The following CDH20 variants were observed in gnomAD, a reference collection of about 807,000 sequenced individuals.
CDH20 encodes the protein cadherin 20.
CDH20 carries 29 observed loss-of-function variants against 74.2 expected under a neutral mutation model. The ratio of observed to expected loss-of-function variants is 0.39; its 90% confidence interval spans 0.29 to 0.53. The LOEUF is 0.53. Among genes scored for constraint, CDH20 ranks in the 20% least tolerant of loss-of-function variants. The pLI is 0.69. For missense variants in CDH20, 988 were observed against 1,048.3 expected (o/e 0.94, Z 0.79); for synonymous variants, 469 against 405.4 (o/e 1.16, Z -1.88).
Position 61,360,122 on chromosome 18 carries a change from A to G in CDH20, c.-153+26295A>G, listed in dbSNP as rs529700059. On this transcript the variant is annotated intron_variant, in intron 1 of 11. Transcript: ENST00000262717. ...AGTGTCTGAGCAAACAGGCAGGAAA[A>G]ATAGTGCTGAACTAAGATCTGATAT... 7.9e-5 allele frequency among the ~76,000 whole-genome samples: 12 copies of G among 152,260 alleles called. No individual in the cohort carries two copies. In the South Asian group the frequency reaches 2.5e-3, roughly 32 times the overall value.
intron 6 of CDH20, among the ~76,000 whole-genome samples, chr18:61,520,959 C>T (rs1465757036): frequency 6.6e-6 from 1 of 151,168 alleles, no homozygotes. Flanking sequence ...TAAATGCCCA[C>T]AGGAGAAAGT....
At chr18:61,420,013 A>G (rs1912822750) in intron 1 of CDH20, among the ~76,000 whole-genome samples, 1 of 152,100 alleles carries the variant, frequency 6.6e-6, no homozygotes, top group Non-Finnish European at 1.5e-5. Context: ...CAGACCCAAC[A>G]TTAATCATTT....
chr18:61,429,113 G>A (rs758625557), intron 1 of CDH20, among the ~76,000 whole-genome samples: 5 of 152,042 alleles, frequency 3.3e-5, no homozygotes, highest in Non-Finnish European at 5.9e-5. Context: ...TGAGAGGTGT[G>A]GGAGTATGCA....
chr18:61,463,199 C>G (rs1909846471), intron 1 of CDH20, among the ~76,000 whole-genome samples: 1 of 152,090 alleles, frequency 6.6e-6, no homozygotes, highest in South Asian at 2.1e-4. Flanking sequence ...CTTGTAGGCA[C>G]CTTCATGAGT....
chr18:61,343,067 C>T (rs1910004407), intron 1 of CDH20, among the ~76,000 whole-genome samples: 1 of 152,134 alleles, frequency 6.6e-6, no homozygotes, highest in South Asian at 2.1e-4. Context: ...TATTAGACTC[C>T]AAGCTCCTTG....
intron 1 of CDH20, among the ~76,000 whole-genome samples, chr18:61,427,502 C>T (rs764261434): frequency 4.6e-5 from 7 of 152,144 alleles, no homozygotes; most frequent in African/African-American, 1.7e-4. Context: ...TAACTACAAA[C>T]GTGGTCTCAA....
At chr18:61,449,955 T>G (rs914087458) in intron 1 of CDH20, among the ~76,000 whole-genome samples, 2 of 152,064 alleles carry the variant, frequency 1.3e-5, no homozygotes, top group Admixed American at 1.3e-4. Flanking sequence ...ATGTTTTTAT[T>G]CTATTACTTT....
At position 61,554,228 on chromosome 18, in the gene CDH20, A is replaced by G. The variant is rs1300458709; in HGVS notation, c.1939A>G (p.Lys647Glu). Residue 647 changes from lysine (K) to glutamate (E), a missense_variant, in exon 12 of 12, where the codon AAA becomes GAA. This residue lies in a region of CDH20 where 375 missense variants were observed against 293.1 expected (regional missense o/e 1.28). Transcript: ENST00000262717. ...CATTTTGTCCATGAGGCGGCACCGG[A>G]AACAACCATACATCATCGACGACGA... ...LLILSMRRHR[K>E]QPYIIDDEEN... 1.9e-6 allele frequency: 3 copies of G among 1,613,326 alleles called. No homozygotes were observed. The African/African-American group carries it at 4.0e-5, about 22-fold the overall frequency.
At chr18:61,509,029 G>A (rs1911684763) in intron 6 of CDH20, among the ~76,000 whole-genome samples, 2 of 152,168 alleles carry the variant, frequency 1.3e-5, no homozygotes. Context: ...AGCTTTGAGG[G>A]CGTAAAGGCA....
chr18:61,348,008 C>A (rs901661496), intron 1 of CDH20, among the ~76,000 whole-genome samples: 6 of 152,284 alleles, frequency 3.9e-5, no homozygotes, highest in South Asian at 2.1e-4. Flanking sequence ...GCCTATAGAA[C>A]CTTACCTTTG....
intron 6 of CDH20, among the ~76,000 whole-genome samples, chr18:61,523,121 C>A (rs1912269016): frequency 1.3e-5 from 2 of 151,932 alleles, no homozygotes; most frequent in Admixed American, 1.3e-4. Flanking sequence ...TCAAATTCAA[C>A]AGGCAACCTA....
At chr18:61,532,319 C>T (rs1912673227) in intron 7 of CDH20, among the ~76,000 whole-genome samples, 1 of 152,150 alleles carries the variant, frequency 6.6e-6, no homozygotes, top group Non-Finnish European at 1.5e-5. Context: ...CAGAGAGAAA[C>T]ATTAATTTTC....
intron 7 of CDH20, among the ~76,000 whole-genome samples, chr18:61,534,519 A>C (rs1912754904): frequency 6.6e-6 from 1 of 152,270 alleles, no homozygotes; most frequent in African/African-American, 2.4e-5. Context: ...ATAATGTGGC[A>C]TACATACACA....
At chr18:61,516,237 T>C (rs1224819273) in intron 6 of CDH20, among the ~76,000 whole-genome samples, 3 of 152,250 alleles carry the variant, frequency 2.0e-5, no homozygotes, top group Admixed American at 6.5e-5. Context: ...TAAATGTTAA[T>C]ACTCACATTG....
Position 61,555,211 on chromosome 18 carries a change from G to C in CDH20, c.*516G>C. ...TCAGTGAAATTAACCTACTTGTTCT[G>C]GGATGGATGGAATTTCCCGTAACCC... On this transcript the variant is annotated 3_prime_UTR_variant, in exon 12 of 12. Transcript: ENST00000262717. 3.0e-6 allele frequency: 3 copies of C among 986,138 alleles called. No individual in the cohort carries two copies. The highest frequency in any genetic ancestry group is 3.6e-6 in the Non-Finnish European group (3 of 830,748). The allele number at this position is 986,138 out of a possible 1,614,324, so 61.1% of individuals were successfully genotyped here.
chr18:61,547,813 A>C (rs1310754637), intron 10 of CDH20, among the ~76,000 whole-genome samples: 1 of 152,070 alleles, frequency 6.6e-6, no homozygotes, highest in Admixed American at 6.5e-5. Context: ...CACATTCAAC[A>C]AAAATTTTCC....
chr18:61,467,032 T>C (rs1049466791), intron 1 of CDH20, among the ~76,000 whole-genome samples: 1 of 152,130 alleles, frequency 6.6e-6, no homozygotes, highest in African/African-American at 2.4e-5. Context: ...GGCAAGTTCT[T>C]TGTTACAAAC....
At chr18:61,443,062 G>T (rs775431124) in intron 1 of CDH20, among the ~76,000 whole-genome samples, 1 of 152,174 alleles carries the variant, frequency 6.6e-6, no homozygotes, top group Non-Finnish European at 1.5e-5. Flanking sequence ...TGGAAAGGGT[G>T]GGAGAGAAGA....
At chr18:61,407,980 T>C (rs970664628) in intron 1 of CDH20, among the ~76,000 whole-genome samples, 5 of 152,198 alleles carry the variant, frequency 3.3e-5, no homozygotes, top group Non-Finnish European at 7.3e-5. Flanking sequence ...CTTTCCAAAA[T>C]TGGTTATATA....
Sources: gnomAD v4.1 joint callset for allele counts (sites outside exome capture counted in the v4.1 genomes callset) on GRCh38, gnomAD v4.1.1 for gene constraint, gnomAD v4.1.1 regional missense constraint, MANE v1.5 for transcripts, NCBI Gene and HGNC (gene_info 2026-07-23, HGNC 2026-07-21) for gene names.